Variants in WT1 observed in about 807,000 individuals in gnomAD.
The protein encoded by WT1 is WT1 transcription factor, also known as Wilms tumor protein.
A neutral mutation model predicts 60.8 loss-of-function variants in WT1; 8 were observed. The observed-to-expected ratio is 0.13, with a 90% CI of 0.08 to 0.24. The LOEUF is 0.24. Ranked by LOEUF, WT1 falls within the 10% of genes least tolerant of loss-of-function variation. The pLI, the probability that WT1 is intolerant of heterozygous loss-of-function variation, is 1.00. For missense variants in WT1, 568 were observed against 711.8 expected, an observed-to-expected ratio of 0.80 and a Z score of 2.30; for synonymous variants, 312 against 297.1, an observed-to-expected ratio of 1.05 and a Z score of -0.52.
At chr11:32,395,650 C>T (rs559806951) in intron 7 of WT1, among the ~76,000 whole-genome samples, 8 of 152,124 alleles carry the variant, frequency 5.3e-5, no homozygotes, top group Non-Finnish European at 1.0e-4. Context: ...TTAGTAGAGA[C>T]GGGGTTTCAC....
intron 5 of WT1, among the ~76,000 whole-genome samples, chr11:32,406,274 A>G (rs1009385645): frequency 6.6e-6 from 1 of 152,090 alleles, no homozygotes; most frequent in Non-Finnish European, 1.5e-5. Flanking sequence ...TCCACCTCAG[A>G]TCGTCAGGCA....
intron 3 of WT1, among the ~76,000 whole-genome samples, chr11:32,424,138 G>A (rs894434938): frequency 7.7e-6 from 1 of 129,648 alleles, no homozygotes; most frequent in Non-Finnish European, 1.5e-5. Flanking sequence ...CTCCAGCCTT[G>A]CAACAGAGCG....
intron 5 of WT1, among the ~76,000 whole-genome samples, chr11:32,405,962 G>A (rs1852296798): frequency 6.6e-6 from 1 of 152,144 alleles, no homozygotes; most frequent in Non-Finnish European, 1.5e-5. Context: ...CATGAGACTT[G>A]AACGACTCCC....
At chr11:32,406,404 G>A (rs1852310385) in intron 5 of WT1, among the ~76,000 whole-genome samples, 1 of 152,106 alleles carries the variant, frequency 6.6e-6, no homozygotes, top group Non-Finnish European at 1.5e-5. Context: ...GTGGAGCTCA[G>A]GCAGTAATTC....
intron 3 of WT1, among the ~76,000 whole-genome samples, chr11:32,425,180 G>GA (rs10540778): frequency 0.022 from 2,591 of 119,250 alleles, 39 homozygotes; most frequent in Admixed American, 0.033. Flanking sequence ...GTCTCGAAAA[G>GA]AAAAAAAAAA....
chr11:32,411,894 C>A (rs1430952145), intron 5 of WT1, among the ~76,000 whole-genome samples: 1 of 152,070 alleles, frequency 6.6e-6, no homozygotes, highest in African/African-American at 2.4e-5. Flanking sequence ...AAAAAAAACT[C>A]TTTAAATGGC....
chr11:32,433,381 C>G (rs1340352149), intron 1 of WT1, among the ~76,000 whole-genome samples: 5 of 152,236 alleles, frequency 3.3e-5, no homozygotes, highest in Non-Finnish European at 5.9e-5. Context: ...GCCGGGTGCT[C>G]CTGGTTAGGC....
At chr11:32,427,119 C>T (rs1320369772) in intron 3 of WT1, among the ~76,000 whole-genome samples, 1 of 152,206 alleles carries the variant, frequency 6.6e-6, no homozygotes, top group Non-Finnish European at 1.5e-5. Context: ...AATCCCGGGC[C>T]GCACAGGCCT....
At chr11:32,392,157 A>G (rs1590331757) in intron 8 of WT1, 93 bp from the exon 9 acceptor site, 1 of 1,077,824 alleles carries the variant, frequency 9.3e-7, no homozygotes. Flanking sequence ...GGAGCCCAGC[A>G]TTTCCTGCCA....
At chr11:32,399,686 A>G (rs188058560) in intron 6 of WT1, among the ~76,000 whole-genome samples, 99 of 152,346 alleles carry the variant, frequency 6.5e-4, no homozygotes, top group African/African-American at 2.3e-3. Context: ...GGAGAAGTCA[A>G]ATGGAGCAGT....
chr11:32,400,309 A>G, intron 5 of WT1: 1 of 532,178 alleles, frequency 1.9e-6, no homozygotes, highest in Non-Finnish European at 3.4e-6. Context: ...CGCTCAGACA[A>G]GCCGAGGAAG....
intron 5 of WT1, among the ~76,000 whole-genome samples, chr11:32,411,943 G>A (rs922146998): frequency 2.0e-5 from 3 of 152,180 alleles, no homozygotes; most frequent in African/African-American, 7.2e-5. Context: ...TTAATAACTT[G>A]TTGCTGGGGG....
chr11:32,420,417 C>T (rs1214251396), intron 3 of WT1, among the ~76,000 whole-genome samples: 1 of 152,128 alleles, frequency 6.6e-6, no homozygotes, highest in African/African-American at 2.4e-5. Flanking sequence ...AAGGTAATGC[C>T]CTCAATGGCC....
At chr11:32,389,201 A>G (rs766755764) in intron 9 of WT1, 22 bp from the exon 10 acceptor site, 2 of 1,613,936 alleles carry the variant, frequency 1.2e-6, no homozygotes, top group East Asian at 4.5e-5. Flanking sequence ...ATTGCCAGTC[A>G]GAGACACTTG....
At chr11:32,422,738 A>G (rs1456775349) in intron 3 of WT1, among the ~76,000 whole-genome samples, 1 of 152,266 alleles carries the variant, frequency 6.6e-6, no homozygotes, top group Non-Finnish European at 1.5e-5. Context: ...CATCACATCC[A>G]GTTCAAAACA....
intron 1 of WT1, among the ~76,000 whole-genome samples, chr11:32,429,715 G>T (rs997744706): frequency 3.3e-5 from 5 of 152,050 alleles, no homozygotes; most frequent in African/African-American, 4.8e-5. Flanking sequence ...AAGGAGAGCT[G>T]CTCCTATGGG....
chr11:32,400,525 G>A (rs1257798231), intron 5 of WT1: 1 of 281,288 alleles, frequency 3.6e-6, no homozygotes, highest in South Asian at 3.8e-5. Flanking sequence ...TCAGAAGTGG[G>A]GATTACATAT....
At chr11:32,433,711 G>A (rs1279877984) in intron 1 of WT1, among the ~76,000 whole-genome samples, 2 of 152,266 alleles carry the variant, frequency 1.3e-5, no homozygotes, top group Non-Finnish European at 2.9e-5. Context: ...TCGGGTCCGC[G>A]CCGCCCAGGC....
rs961309280 is a variant in WT1, at chr11:32,434,893, C to A, written c.468G>T (p.Pro156=). 14 of 1,611,578 alleles carry A rather than the reference C, an allele frequency of 8.7e-6. No homozygotes were observed. The highest frequency in any genetic ancestry group is 1.7e-5 in the Admixed American group (1 of 59,920). The change falls in exon 1 of 10, where the codon CCG becomes CCT. Residue 156 remains proline (P), a synonymous_variant. Coordinates refer to ENST00000452863, the MANE Select transcript of WT1 (RefSeq NM_024426.6). ...AGGCGCTCAGGCACTGCTCCTCGTG[C>A]GGCTCCGCGCCGCCCCAGCTCGGCT...
Sources: allele counts gnomAD v4.1 joint callset (sites outside exome capture counted in the v4.1 genomes callset), GRCh38; gene constraint gnomAD v4.1.1; transcripts MANE v1.5; gene names NCBI Gene and HGNC (gene_info 2026-07-23, HGNC 2026-07-21).